WWOX: variants seen among roughly 807,000 people sequenced by gnomAD.
WWOX encodes WW domain containing oxidoreductase, also known as WW domain-containing oxidoreductase.
In WWOX, 69 loss-of-function variants were observed where a neutral mutation model predicts 46.2. The observed-to-expected ratio is 1.49, with a 90% CI of 1.23 to 1.82. The LOEUF (loss-of-function observed/expected upper bound fraction) is 1.82. WWOX is among the 40% of genes most tolerant of loss of function. The pLI is 0.00. For missense variants in WWOX, 919 were observed against 542.6 expected, an observed-to-expected ratio of 1.69 and a Z score of -6.89; for synonymous variants, 359 against 202.6, an observed-to-expected ratio of 1.77 and a Z score of -6.56.
At chr16:78,811,838 C>T (rs2051198128) in intron 8 of WWOX, among the ~76,000 whole-genome samples, 2 of 152,256 alleles carry the variant, frequency 1.3e-5, no homozygotes, top group East Asian at 1.9e-4. Context: ...AACATTCAGT[C>T]CCTAACACTT....
intron 8 of WWOX, among the ~76,000 whole-genome samples, chr16:78,989,341 G>A (rs2046839859): frequency 6.6e-6 from 1 of 152,150 alleles, no homozygotes; most frequent in South Asian, 2.1e-4. Flanking sequence ...TATGTCTGAT[G>A]AACTCATCTT....
At chr16:79,133,912 G>A (rs1276722673) in intron 8 of WWOX, among the ~76,000 whole-genome samples, 1 of 152,130 alleles carries the variant, frequency 6.6e-6, no homozygotes, top group East Asian at 1.9e-4. Context: ...GCATTTGTCA[G>A]GGAAGAGATT....
chr16:78,848,882 G>T (rs1474459518), intron 8 of WWOX, among the ~76,000 whole-genome samples: 1 of 151,502 alleles, frequency 6.6e-6, no homozygotes, highest in African/African-American at 2.4e-5. Context: ...AATCTATTTA[G>T]CCCAGTTTTT....
At chr16:78,514,942 C>T (rs781206155) in intron 8 of WWOX, among the ~76,000 whole-genome samples, 3 of 152,058 alleles carry the variant, frequency 2.0e-5, no homozygotes, top group South Asian at 2.1e-4. Context: ...GAATCACAGG[C>T]GTTTTTGAGG....
At chr16:78,581,962 G>C (rs946860110) in intron 8 of WWOX, among the ~76,000 whole-genome samples, 2 of 152,102 alleles carry the variant, frequency 1.3e-5, no homozygotes, top group Admixed American at 1.3e-4. Flanking sequence ...TGTGAAAATT[G>C]ACAAATATGT....
chr16:78,381,836 C>G (rs2081962861), intron 5 of WWOX, among the ~76,000 whole-genome samples: 2 of 152,018 alleles, frequency 1.3e-5, no homozygotes, highest in South Asian at 2.1e-4. Context: ...ATATGGAAGG[C>G]TAGCAGTTTA....
intron 8 of WWOX, among the ~76,000 whole-genome samples, chr16:78,839,345 G>C (rs1006160453): frequency 6.6e-6 from 1 of 151,946 alleles, no homozygotes; most frequent in Non-Finnish European, 1.5e-5. Flanking sequence ...CCCTGGCTTG[G>C]TAATATCCAA....
intron 8 of WWOX, among the ~76,000 whole-genome samples, chr16:78,677,269 T>C (rs2142221203): frequency 6.6e-6 from 1 of 152,282 alleles, no homozygotes; most frequent in Admixed American, 6.5e-5. Flanking sequence ...TTGACAGGAT[T>C]CTTGCAAATG....
At position 79,208,952 on chromosome 16, in the gene WWOX, A is replaced by G. The variant is rs546371669; in HGVS notation, c.1057-2656A>G. 5.3e-5 allele frequency among the ~76,000 whole-genome samples: 8 copies of G among 152,350 alleles called. No individual in the cohort carries two copies. In the South Asian group the frequency reaches 1.7e-3, roughly 32 times the overall value. Reference sequence around the variant, plus strand: ...GAGTGAGTACCCATGAGCACCAAGCATGAATCTGAGAAGGAGAATTTGCCA... The same window carrying G: ...GAGTGAGTACCCATGAGCACCAAGCGTGAATCTGAGAAGGAGAATTTGCCA... On this transcript the variant is annotated intron_variant, in intron 8 of 8. Transcript: ENST00000566780.
chr16:79,129,645 C>G (rs1567569907), intron 8 of WWOX, among the ~76,000 whole-genome samples: 1 of 152,072 alleles, frequency 6.6e-6, no homozygotes, highest in Non-Finnish European at 1.5e-5. Flanking sequence ...AAATTCATTT[C>G]ACATTAGTTG....
chr16:79,153,783 C>G (rs1410561388), intron 8 of WWOX, among the ~76,000 whole-genome samples: 1 of 151,974 alleles, frequency 6.6e-6, no homozygotes, highest in Non-Finnish European at 1.5e-5. Context: ...TGTTGTTTAG[C>G]TGTTTATGGG....
intron 8 of WWOX, among the ~76,000 whole-genome samples, chr16:78,990,532 G>T (rs1186396145): frequency 2.0e-5 from 3 of 152,200 alleles, no homozygotes; most frequent in Admixed American, 2.0e-4. Flanking sequence ...ACATCACACT[G>T]ACAACAGCTC....
At chr16:78,772,282 G>A (rs1305959270) in intron 8 of WWOX, among the ~76,000 whole-genome samples, 1 of 152,146 alleles carries the variant, frequency 6.6e-6, no homozygotes, top group Non-Finnish European at 1.5e-5. Flanking sequence ...TGTAAGTGAG[G>A]CCATGCAGTA....
chr16:78,739,415 G>A (rs984554249), intron 8 of WWOX, among the ~76,000 whole-genome samples: 1 of 152,202 alleles, frequency 6.6e-6, no homozygotes, highest in African/African-American at 2.4e-5. Context: ...TGTGCTTTCA[G>A]AAGGCACACT....
In WWOX at chr16:78,606,976, G is replaced by T. The variant is rs556969622; in HGVS notation, c.1056+174224G>T. 4.4e-4 allele frequency among the ~76,000 whole-genome samples: 67 copies of T among 152,102 alleles called. 1 individual carries two copies. In the South Asian group the frequency reaches 7.3e-3, roughly 17 times the overall value. On this transcript the variant is annotated intron_variant, in intron 8 of 8. Coordinates refer to ENST00000566780, the MANE Select transcript of WWOX (RefSeq NM_016373.4). ...ATGATCATTTTTGTGCAGGACTAATGGGCAGACTCTGTTTTTGTTTTTGTC... is the reference window on the plus strand; with the variant it reads ...ATGATCATTTTTGTGCAGGACTAATTGGCAGACTCTGTTTTTGTTTTTGTC...
chr16:79,132,660 C>T (rs997016597), intron 8 of WWOX, among the ~76,000 whole-genome samples: 7 of 151,808 alleles, frequency 4.6e-5, no homozygotes, highest in Non-Finnish European at 7.4e-5. Context: ...CCCTTAGGAC[C>T]TTGCTAAGTT....
intron 8 of WWOX, among the ~76,000 whole-genome samples, chr16:79,115,137 T>A (rs2049489947): frequency 6.6e-6 from 1 of 152,212 alleles, no homozygotes; most frequent in Non-Finnish European, 1.5e-5. Flanking sequence ...ATTTAACTCC[T>A]TCGTGTTCCC....
chr16:78,148,785 C>G (rs1327335535), intron 4 of WWOX, among the ~76,000 whole-genome samples: 1 of 150,498 alleles, frequency 6.6e-6, no homozygotes, highest in East Asian at 2.0e-4. Flanking sequence ...GTAGTCCCAG[C>G]TACTCGGGAG....
chr16:78,761,119 C>T (rs371606079), intron 8 of WWOX, among the ~76,000 whole-genome samples: 5 of 152,182 alleles, frequency 3.3e-5, no homozygotes, highest in African/African-American at 9.7e-5. Flanking sequence ...AGAGCCAAAC[C>T]ATATTACAGG....
Sources: gnomAD v4.1 joint callset for allele counts (sites outside exome capture counted in the v4.1 genomes callset) on GRCh38, gnomAD v4.1.1 for gene constraint, MANE v1.5 for transcripts, NCBI Gene and HGNC (gene_info 2026-07-23, HGNC 2026-07-21) for gene names.